PCDH9: variants seen among roughly 807,000 people sequenced by gnomAD.
PCDH9 encodes protocadherin-9.
PCDH9 carries 24 observed loss-of-function variants against 70.6 expected under a neutral mutation model. The observed-to-expected ratio is 0.34, with a 90% confidence interval of 0.25 to 0.48. PCDH9 has a LOEUF of 0.48. Ranked by LOEUF, PCDH9 falls within the 20% of genes least tolerant of loss-of-function variation. The probability of loss-of-function intolerance (pLI) is 0.99; values close to 1 mark genes in which losing one functional copy is unlikely to be tolerated. For synonymous variants in PCDH9, 562 were observed against 558.5 expected (o/e 1.01, Z -0.09); for missense variants, 1,281 against 1,503.6 (o/e 0.85, Z 2.45).
intron 2 of PCDH9, among the ~76,000 whole-genome samples, chr13:67,121,567 C>CG (rs2086878136): frequency 6.6e-6 from 1 of 152,108 alleles, no homozygotes; most frequent in Admixed American, 6.6e-5. Context: ...ACTTACTAAT[C>CG]TTTTTTACAT....
chr13:66,580,237 C>A (rs1168910219), intron 4 of PCDH9, among the ~76,000 whole-genome samples: 1 of 151,952 alleles, frequency 6.6e-6, no homozygotes, highest in East Asian at 1.9e-4. Context: ...CAACTTAAAA[C>A]ATCTTTGTTA....
chr13:67,191,134 A>G (rs2088898523), intron 2 of PCDH9, among the ~76,000 whole-genome samples: 1 of 152,118 alleles, frequency 6.6e-6, no homozygotes, highest in Non-Finnish European at 1.5e-5. Context: ...TTCTTTTAAA[A>G]AAGAAAACAA....
intron 3 of PCDH9, among the ~76,000 whole-genome samples, chr13:66,756,479 G>A (rs1239646305): frequency 6.6e-6 from 1 of 152,022 alleles, no homozygotes; most frequent in African/African-American, 2.4e-5. Flanking sequence ...TAACTTTGAT[G>A]TTGGTATCAG....
chr13:66,702,878 T>C (rs1383746196), intron 3 of PCDH9, among the ~76,000 whole-genome samples: 1 of 152,190 alleles, frequency 6.6e-6, no homozygotes, highest in African/African-American at 2.4e-5. Flanking sequence ...TATTTGAATG[T>C]TTCCATCTCC....
intron 2 of PCDH9, among the ~76,000 whole-genome samples, chr13:66,907,889 A>C (rs2082390046): frequency 6.6e-6 from 1 of 152,196 alleles, no homozygotes; most frequent in South Asian, 2.1e-4. Context: ...TTATAGAGGC[A>C]ATAGTTTTGT....
intron 2 of PCDH9, among the ~76,000 whole-genome samples, chr13:66,988,891 G>T (rs2083945811): frequency 6.6e-6 from 1 of 151,964 alleles, no homozygotes; most frequent in African/African-American, 2.4e-5. Context: ...GAAGACTATG[G>T]AAAGCCAATG....
chr13:66,926,843 T>C (rs1279614481), intron 2 of PCDH9, among the ~76,000 whole-genome samples: 2 of 150,814 alleles, frequency 1.3e-5, no homozygotes, highest in Admixed American at 6.6e-5. Context: ...TTAGGGGTGA[T>C]AGATACACAA....
chr13:66,858,537 T>C (rs553197220), intron 3 of PCDH9, among the ~76,000 whole-genome samples: 1 of 152,174 alleles, frequency 6.6e-6, no homozygotes, highest in Admixed American at 6.5e-5. Flanking sequence ...AATTTCCCTC[T>C]GTGTAGAATT....
intron 3 of PCDH9, among the ~76,000 whole-genome samples, chr13:66,689,562 A>G (rs2078452934): frequency 6.6e-6 from 1 of 152,148 alleles, no homozygotes; most frequent in Non-Finnish European, 1.5e-5. Context: ...ATTATGCTTG[A>G]TTGCAGGCCT....
chr13:66,537,461 A>G (rs1960756114), intron 4 of PCDH9, among the ~76,000 whole-genome samples: 1 of 152,128 alleles, frequency 6.6e-6, no homozygotes, highest in Non-Finnish European at 1.5e-5. Context: ...CAGAGAAGAT[A>G]ACATCCAAAC....
chr13:67,180,869 G>C (rs1416295819), intron 2 of PCDH9, among the ~76,000 whole-genome samples: 1 of 152,080 alleles, frequency 6.6e-6, no homozygotes, highest in East Asian at 1.9e-4. Context: ...TTATGATGCT[G>C]GCTCATGTTC....
chr13:66,867,020 T>C (rs1240859425), intron 3 of PCDH9, among the ~76,000 whole-genome samples: 13 of 150,540 alleles, frequency 8.6e-5, no homozygotes, highest in Non-Finnish European at 1.6e-4. Context: ...TTCTTTCTTT[T>C]TTTTTTTTTT....
intron 3 of PCDH9, among the ~76,000 whole-genome samples, chr13:66,726,811 A>T (rs2079011681): frequency 6.6e-6 from 1 of 152,230 alleles, no homozygotes; most frequent in Non-Finnish European, 1.5e-5. Context: ...AGATTTAATC[A>T]ACTTTCTCAG....
chr13:66,831,433 G>C (rs571107700), intron 3 of PCDH9, among the ~76,000 whole-genome samples: 33 of 152,216 alleles, frequency 2.2e-4, no homozygotes, highest in African/African-American at 7.7e-4. Flanking sequence ...GGGAATTCCA[G>C]AGTGATAGCA....
chr13:66,870,688 A>C (rs1028523650), intron 3 of PCDH9, among the ~76,000 whole-genome samples: 11 of 152,200 alleles, frequency 7.2e-5, no homozygotes, highest in Admixed American at 1.3e-4. Flanking sequence ...CCACAGTGAG[A>C]TACCATCTCA....
intron 2 of PCDH9, among the ~76,000 whole-genome samples, chr13:67,109,612 T>C (rs2086615486): frequency 6.6e-6 from 1 of 152,198 alleles, no homozygotes; most frequent in African/African-American, 2.4e-5. Flanking sequence ...TGAATAAAAG[T>C]CTCTATAAAA....
chr13:66,389,740 T>G (rs569395012), intron 4 of PCDH9, among the ~76,000 whole-genome samples: 1 of 152,176 alleles, frequency 6.6e-6, no homozygotes, highest in African/African-American at 2.4e-5. Context: ...GCCATATTGA[T>G]CTGCTTTGGC....
intron 3 of PCDH9, among the ~76,000 whole-genome samples, chr13:66,644,189 A>C (rs2077741621): frequency 6.6e-6 from 1 of 151,968 alleles, no homozygotes; most frequent in Non-Finnish European, 1.5e-5. Context: ...ATGGAGGATA[A>C]ATACAATACA....
intron 2 of PCDH9, among the ~76,000 whole-genome samples, chr13:66,982,885 T>A (rs1164773381): frequency 1.3e-5 from 2 of 152,348 alleles, no homozygotes; most frequent in African/African-American, 4.8e-5. Flanking sequence ...ACATTCAAAT[T>A]TACTCTATGT....
Sources: allele counts gnomAD v4.1 joint callset (sites outside exome capture counted in the v4.1 genomes callset), GRCh38; gene constraint gnomAD v4.1.1; transcripts MANE v1.5; gene names NCBI Gene and HGNC (gene_info 2026-07-23, HGNC 2026-07-21).